Variants in SYN3 observed in about 807,000 individuals in gnomAD.
The protein encoded by SYN3 is synapsin-3.
SYN3 carries 35 observed loss-of-function variants against 65.8 expected under a neutral mutation model. The observed-to-expected ratio is 0.53, with a 90% CI of 0.41 to 0.70. SYN3 has a LOEUF of 0.70. Ranked by LOEUF, SYN3 falls within the 30% of genes least tolerant of loss-of-function variation. The probability of loss-of-function intolerance (pLI) is 0.00; values close to 1 mark genes in which losing one functional copy is unlikely to be tolerated. For synonymous variants in SYN3, 270 were observed against 292.9 expected (o/e 0.92, Z 0.80); for missense variants, 680 against 749.0 (o/e 0.91, Z 1.08).
chr22:32,997,279 G>A (rs993980805), intron 2 of SYN3, among the ~76,000 whole-genome samples: 5 of 152,164 alleles, frequency 3.3e-5, no homozygotes, highest in African/African-American at 9.7e-5. Context: ...CCCTGGTCAG[G>A]GGACGTGCAC....
At chr22:32,816,656 A>G (rs1165536134) in intron 6 of SYN3, among the ~76,000 whole-genome samples, 2 of 152,160 alleles carry the variant, frequency 1.3e-5, no homozygotes, top group Non-Finnish European at 2.9e-5. Context: ...CTTTTGCCCT[A>G]TCATCAAGAC....
At chr22:32,775,502 C>T (rs2045887168) in intron 6 of SYN3, among the ~76,000 whole-genome samples, 1 of 152,150 alleles carries the variant, frequency 6.6e-6, no homozygotes, top group South Asian at 2.1e-4. Context: ...GGCAAAAGTA[C>T]CCCTTCTCCT....
chr22:32,855,836 A>C (rs985590708), intron 6 of SYN3, among the ~76,000 whole-genome samples: 1 of 152,212 alleles, frequency 6.6e-6, no homozygotes, highest in Non-Finnish European at 1.5e-5. Context: ...CCACTGTATT[A>C]GATTATGTCG....
intron 3 of SYN3, among the ~76,000 whole-genome samples, chr22:32,943,103 A>G (rs978956372): frequency 4.6e-5 from 7 of 152,198 alleles, no homozygotes; most frequent in Non-Finnish European, 1.0e-4. Context: ...GAACACCACA[A>G]AGATACTCCT....
At chr22:32,899,459 A>G (rs928570524) in intron 4 of SYN3, among the ~76,000 whole-genome samples, 2 of 152,332 alleles carry the variant, frequency 1.3e-5, no homozygotes, top group Admixed American at 6.5e-5. Flanking sequence ...AGACTTTCAT[A>G]CAACTGAGAA....
intron 6 of SYN3, among the ~76,000 whole-genome samples, chr22:32,648,627 G>A (rs1472758040): frequency 6.6e-6 from 1 of 152,154 alleles, no homozygotes; most frequent in Non-Finnish European, 1.5e-5. Context: ...GCCCTGTTTG[G>A]CACATATTAG....
intron 6 of SYN3, among the ~76,000 whole-genome samples, chr22:32,641,307 C>A (rs1013895451): frequency 1.3e-5 from 2 of 151,890 alleles, no homozygotes; most frequent in Non-Finnish European, 2.9e-5. Context: ...GGAAGCTAAA[C>A]GTTAAGATGT....
intron 6 of SYN3, among the ~76,000 whole-genome samples, chr22:32,645,882 C>T (rs925350433): frequency 2.0e-5 from 3 of 147,124 alleles, no homozygotes; most frequent in Non-Finnish European, 4.5e-5. Context: ...GAGGTAAATC[C>T]ACAAAAGGGG....
chr22:32,931,430 C>A lies in SYN3; in HGVS notation c.421G>T (p.Val141Leu). The change falls in exon 4 of 14, where the codon GTG (valine) becomes TTG (leucine). Residue 141 changes from valine (V) to leucine (L), a missense_variant. Transcript: ENST00000358763. ...LAAYVTGGCM[V>L]DMQVVRNGTK... Reference sequence around the variant, plus strand: ...CCATTTCTCACGACCTGCATGTCCACCATGCAGCCCCCGGTCACATAGGCA... The same window carrying A: ...CCATTTCTCACGACCTGCATGTCCAACATGCAGCCCCCGGTCACATAGGCA... 1 of 1,613,754 alleles carries A rather than the reference C, an allele frequency of 6.2e-7. No homozygotes were observed. Among genetic ancestry groups the A allele is most frequent in the Non-Finnish European group, 8.5e-7 (1 of 1,179,654 alleles).
chr22:32,639,657 C>T (rs1270867353), intron 6 of SYN3, among the ~76,000 whole-genome samples: 2 of 151,274 alleles, frequency 1.3e-5, no homozygotes, highest in Middle Eastern at 3.4e-3. Flanking sequence ...AAGTGATATA[C>T]CATCTCAGTC....
intron 10 of SYN3, 114 bp downstream of exon 10, chr22:32,533,679 G>C: frequency 1.5e-6 from 1 of 683,452 alleles, no homozygotes; most frequent in Non-Finnish European, 2.5e-6. Context: ...TGGGTTGCGT[G>C]TGCCCTGGAG....
intron 10 of SYN3, among the ~76,000 whole-genome samples, chr22:32,530,939 C>T (rs972634732): frequency 1.1e-4 from 16 of 151,630 alleles, no homozygotes; most frequent in Non-Finnish European, 1.9e-4. Context: ...CTGGGAGTGT[C>T]GGAGGTTGCA....
intron 7 of SYN3, among the ~76,000 whole-genome samples, chr22:32,561,279 G>A (rs548362725): frequency 4.6e-4 from 70 of 152,250 alleles, no homozygotes; most frequent in African/African-American, 1.6e-3. Flanking sequence ...CTAGGGCATC[G>A]GTGACTTCAC....
At chr22:32,563,300 A>C (rs2058613471) in intron 7 of SYN3, among the ~76,000 whole-genome samples, 1 of 152,232 alleles carries the variant, frequency 6.6e-6, no homozygotes, top group Admixed American at 6.5e-5. Flanking sequence ...CTGTAAGGGC[A>C]ATGAGACATG....
At chr22:32,914,486 G>A (rs1400550795) in intron 4 of SYN3, among the ~76,000 whole-genome samples, 2 of 150,734 alleles carry the variant, frequency 1.3e-5, no homozygotes, top group Non-Finnish European at 2.9e-5. Flanking sequence ...TGCCCAGGCT[G>A]GAGTGCAGTG....
intron 3 of SYN3, among the ~76,000 whole-genome samples, chr22:32,942,438 C>G (rs1486659341): frequency 6.6e-6 from 1 of 152,208 alleles, no homozygotes; most frequent in African/African-American, 2.4e-5. Context: ...CAACACAACC[C>G]CATTTGTACG....
chr22:32,678,641 CCTT>C (rs1433913040), intron 6 of SYN3, among the ~76,000 whole-genome samples: 1 of 150,570 alleles, frequency 6.6e-6, no homozygotes, highest in Non-Finnish European at 1.5e-5. Flanking sequence ...CTCTTTTTCT[CCTT>C]CTCCTTCTCC....
chr22:33,038,633 C>T (rs975080903), intron 1 of SYN3, among the ~76,000 whole-genome samples: 5 of 152,188 alleles, frequency 3.3e-5, no homozygotes, highest in Admixed American at 2.0e-4. Context: ...CCCAAGACTG[C>T]CCCATCCCCA....
rs2057675382 is a variant in SYN3 at position 32,510,142 on chromosome 22, G to T, written c.*3550C>A. Among the ~76,000 whole-genome samples, 1 of 152,186 alleles carries T rather than the reference G, an allele frequency of 6.6e-6. No individual in the cohort carries two copies. The highest frequency in any genetic ancestry group is 2.4e-5 in the African/African-American group (1 of 41,434). On this transcript the variant is annotated 3_prime_UTR_variant, in exon 14 of 14. Coordinates refer to ENST00000358763, the MANE Select transcript of SYN3 (RefSeq NM_003490.4). The stretch of plus-strand genomic sequence containing the variant: ...GCCACTAGTTTCACTCACTAAAGGA[G>T]TGGGTTCGTAGCTGCGTTGGAGACT...
Sources: allele counts gnomAD v4.1 joint callset (sites outside exome capture counted in the v4.1 genomes callset), GRCh38; gene constraint gnomAD v4.1.1; transcripts MANE v1.5; gene names NCBI Gene and HGNC (gene_info 2026-07-23, HGNC 2026-07-21).